Variants in WWTR1 observed in about 807,000 individuals in gnomAD.
WWTR1 encodes WW domain containing transcription regulator 1.
WWTR1 carries 13 observed loss-of-function variants against 40.1 expected under a neutral mutation model. The observed-to-expected ratio is 0.32, with a 90% CI of 0.21 to 0.52. The LOEUF (loss-of-function observed/expected upper bound fraction) is 0.52. Ranked by LOEUF, WWTR1 falls within the 20% of genes least tolerant of loss-of-function variation. The probability of loss-of-function intolerance (pLI) is 0.97; values close to 1 mark genes in which losing one functional copy is unlikely to be tolerated. For synonymous variants in WWTR1, 230 were observed against 210.1 expected (o/e 1.09, Z -0.82); for missense variants, 436 against 523.1 (o/e 0.83, Z 1.63).
At chr3:149,641,104 A>G (rs1038057969) in intron 2 of WWTR1, among the ~76,000 whole-genome samples, 2 of 152,234 alleles carry the variant, frequency 1.3e-5, no homozygotes, top group African/African-American at 4.8e-5. Context: ...TTGTTCCACA[A>G]TATAACTTTT....
chr3:149,678,723 C>T (rs921063672), intron 1 of WWTR1, among the ~76,000 whole-genome samples: 62 of 152,078 alleles, frequency 4.1e-4, no homozygotes, highest in African/African-American at 1.3e-3. Flanking sequence ...AATGGATTTA[C>T]AGATTTTTCA....
At chr3:149,538,313 T>C (rs895326933) in intron 4 of WWTR1, among the ~76,000 whole-genome samples, 3 of 152,226 alleles carry the variant, frequency 2.0e-5, no homozygotes, top group Admixed American at 6.5e-5. Context: ...TCAATAAGAA[T>C]TGCTTTTTTT....
At chr3:149,543,124 G>A (rs1736198580) in intron 3 of WWTR1, among the ~76,000 whole-genome samples, 1 of 152,136 alleles carries the variant, frequency 6.6e-6, no homozygotes, top group Admixed American at 6.5e-5. Flanking sequence ...ATATCTGACT[G>A]AGAAAAAAAT....
intron 2 of WWTR1, among the ~76,000 whole-genome samples, chr3:149,641,838 C>T (rs1246573692): frequency 6.6e-6 from 1 of 152,234 alleles, no homozygotes; most frequent in East Asian, 1.9e-4. Context: ...ATACGGATTA[C>T]AGCTCTTGGA....
intron 4 of WWTR1, among the ~76,000 whole-genome samples, chr3:149,718,455 C>T (rs942236367): frequency 1.3e-4 from 20 of 152,108 alleles, no homozygotes; most frequent in African/African-American, 4.3e-4. Flanking sequence ...TAATTTTTTA[C>T]CCAAAGTTTA....
chr3:149,645,182 C>T (rs1056089861), intron 2 of WWTR1, among the ~76,000 whole-genome samples: 1 of 152,194 alleles, frequency 6.6e-6, no homozygotes. Flanking sequence ...CAGGTTCGCG[C>T]CATTCTCCTG....
chr3:149,528,816 G>A (rs1003472445), intron 4 of WWTR1, among the ~76,000 whole-genome samples: 2 of 152,128 alleles, frequency 1.3e-5, no homozygotes, highest in African/African-American at 4.8e-5. Context: ...CTACTTTGTT[G>A]ACTAAAATGC....
chr3:149,555,993 G>A (rs187441359), intron 3 of WWTR1, among the ~76,000 whole-genome samples: 26 of 152,336 alleles, frequency 1.7e-4, no homozygotes, highest in Non-Finnish European at 3.2e-4. Context: ...ATCAGGGTGG[G>A]GGACAAGTAC....
chr3:149,687,293 G>A (rs1714685634), intron 1 of WWTR1, among the ~76,000 whole-genome samples: 1 of 152,206 alleles, frequency 6.6e-6, no homozygotes, highest in Non-Finnish European at 1.5e-5. Context: ...TCACTACTGA[G>A]TTGCTCTCCT....
At chr3:149,537,792 T>C (rs997284974) in intron 4 of WWTR1, among the ~76,000 whole-genome samples, 2 of 152,212 alleles carry the variant, frequency 1.3e-5, no homozygotes, top group African/African-American at 4.8e-5. Flanking sequence ...CCCCATAGTT[T>C]TGCTTTTCCA....
chr3:149,697,397 G>A (rs563800752), intron 1 of WWTR1, among the ~76,000 whole-genome samples: 9 of 152,008 alleles, frequency 5.9e-5, no homozygotes, highest in South Asian at 2.1e-4. Flanking sequence ...AGCCATTCAC[G>A]AGGGATCATG....
At chr3:149,593,029 T>C (rs1459371077) in intron 2 of WWTR1, among the ~76,000 whole-genome samples, 1 of 152,022 alleles carries the variant, frequency 6.6e-6, no homozygotes, top group African/African-American at 2.4e-5. Context: ...CAAGTTACAC[T>C]CATGTACCAA....
chr3:149,556,928 C>T (rs886531215), intron 3 of WWTR1, among the ~76,000 whole-genome samples: 2 of 152,184 alleles, frequency 1.3e-5, no homozygotes, highest in Admixed American at 1.3e-4. Context: ...AATCAAAATG[C>T]ATATGTAGTA....
chr3:149,532,806 A>G (rs1391030539), intron 4 of WWTR1, among the ~76,000 whole-genome samples: 1 of 152,208 alleles, frequency 6.6e-6, no homozygotes, highest in South Asian at 2.1e-4. Context: ...TAAAAATGAA[A>G]GGCAAACGTC....
chr3:149,541,579 T>C (rs909796035), intron 4 of WWTR1, among the ~76,000 whole-genome samples: 1 of 151,636 alleles, frequency 6.6e-6, no homozygotes, highest in African/African-American at 2.4e-5. Flanking sequence ...CTGAGGAACA[T>C]CCACTCCACT....
At chr3:149,706,898 T>G (rs994018791), upstream of WWTR1, among the ~76,000 whole-genome samples, 1 of 152,254 alleles carries the variant, frequency 6.6e-6, no homozygotes, top group South Asian at 2.1e-4. Flanking sequence ...TGCTCCGTGG[T>G]ATTAGTGCCA....
intron 1 of WWTR1, among the ~76,000 whole-genome samples, chr3:149,679,190 AGGT>A (rs139737544): frequency 0.043 from 6,537 of 152,292 alleles, 287 homozygotes; most frequent in East Asian, 0.13. Context: ...CAATCAGTAA[AGGT>A]TGTTGTTTTC....
At chr3:149,660,195 C>G (rs956348777), upstream of WWTR1, 1 of 152,080 alleles carries the variant, frequency 6.6e-6, no homozygotes, top group African/African-American at 2.4e-5. Context: ...AATAAGCTAT[C>G]GAACAAGAGG....
In WWTR1 at chr3:149,568,523, C is replaced by CAAAAAAAAAAAAA. The variant is rs34414853; in HGVS notation, c.568+4328_568+4340dup. Among the ~76,000 whole-genome samples the CAAAAAAAAAAAAA allele has an allele frequency of 4.9e-4, 32 of 64,816 alleles. 9 individuals are homozygous for CAAAAAAAAAAAAA. The highest frequency in any genetic ancestry group is 6.6e-4 in the Non-Finnish European group (21 of 31,614). 42.5% of individuals were successfully genotyped at this position (64,816 alleles called of 152,430 possible). A position where few individuals can be genotyped will look rare whatever the true frequency, so the allele number is the denominator to read the frequency against. ...GGAGATGGCTATTTGAATTAAAGTGCAAAAAAAAAAAAAAAAAAAAAAAAA... is the reference window on the plus strand; with the variant it reads ...GGAGATGGCTATTTGAATTAAAGTGCAAAAAAAAAAAAAAAAAAAAAAAAAAAAAAAAAAAAAA... On this transcript the variant is annotated intron_variant, in intron 3 of 6. Coordinates refer to ENST00000360632, the MANE Select transcript of WWTR1 (RefSeq NM_015472.6).
Sources: gnomAD v4.1 joint callset for allele counts (sites outside exome capture counted in the v4.1 genomes callset) on GRCh38, gnomAD v4.1.1 for gene constraint, MANE v1.5 for transcripts, NCBI Gene and HGNC (gene_info 2026-07-23, HGNC 2026-07-21) for gene names.